PARD3B: variants seen among roughly 807,000 people sequenced by gnomAD.
The protein encoded by PARD3B is par-3 family cell polarity regulator beta.
A neutral mutation model predicts 130.2 loss-of-function variants in PARD3B; 103 were observed. The observed-to-expected ratio is 0.79, with a 90% CI of 0.67 to 0.93. The LOEUF (loss-of-function observed/expected upper bound fraction) is 0.93, where lower values mean the gene tolerates loss of function less well. Ranked by LOEUF, PARD3B falls within the 40% of genes least tolerant of loss-of-function variation. PARD3B has a pLI of 0.00. For missense variants in PARD3B, 1,609 were observed against 1,499.2 expected, an observed-to-expected ratio of 1.07 and a Z score of -1.21; for synonymous variants, 583 against 553.2, an observed-to-expected ratio of 1.05 and a Z score of -0.76.
Position 204,590,094 on chromosome 2 carries a change from A to G in PARD3B, c.120+43975A>G, listed in dbSNP as rs111311022. Among the ~76,000 whole-genome samples, 1,321 of 152,252 alleles carry G rather than the reference A, an allele frequency of 8.7e-3. 14 individuals carry two copies. The highest frequency in any genetic ancestry group is 0.031 in the African/African-American group (1,284 of 41,536). On this transcript the variant is annotated intron_variant, in intron 1 of 22. Coordinates refer to ENST00000406610, the MANE Select transcript of PARD3B (RefSeq NM_001302769.2). ...CTATAACAAATATGCCATTATTATC[A>G]CAATTCTGAAGGCTGAAAAGCTTAA...
Position 205,306,750 on chromosome 2 carries a change from G to A in PARD3B, c.2630+5049G>A, listed in dbSNP as rs138400242. ...GTAAAAATAGCAACTGTTTTCCATA[G>A]CCTTTTGCATCTGAGTTTGTGAGCA... On this transcript the variant is annotated intron_variant, in intron 18 of 22. Transcript: ENST00000406610. Among the ~76,000 whole-genome samples, 14 of 152,260 alleles carry A rather than the reference G, an allele frequency of 9.2e-5. No homozygotes were observed. The East Asian group carries it at 2.7e-3, about 29-fold the overall frequency.
At chr2:205,006,426 G>A (rs567852091) in intron 3 of PARD3B, among the ~76,000 whole-genome samples, 7 of 152,238 alleles carry the variant, frequency 4.6e-5, no homozygotes, top group African/African-American at 1.7e-4. Flanking sequence ...ATTTCCACCA[G>A]CAATGTAAAA....
Position 204,924,786 on chromosome 2 carries a change from A to G in PARD3B, c.223-40366A>G, listed in dbSNP as rs141965999. On this transcript the variant is annotated intron_variant, in intron 2 of 22. Coordinates refer to ENST00000406610, the MANE Select transcript of PARD3B (RefSeq NM_001302769.2). ...ACAAACTGAAATAAGTGAAAATGCA[A>G]TGCAAGTGATATATGTAAGTGCCGA... 6.4e-3 allele frequency among the ~76,000 whole-genome samples: 981 copies of G among 152,220 alleles called. 12 individuals carry two copies. The highest frequency in any genetic ancestry group is 0.022 in the African/African-American group (925 of 41,558).
chr2:205,387,841 G>A (rs954780983), intron 18 of PARD3B, among the ~76,000 whole-genome samples: 11 of 152,182 alleles, frequency 7.2e-5, no homozygotes, highest in Non-Finnish European at 1.3e-4. Flanking sequence ...TCATCTGAGT[G>A]ACGCTGCTGG....
intron 20 of PARD3B, among the ~76,000 whole-genome samples, chr2:205,447,886 T>C (rs887697427): frequency 2.0e-5 from 3 of 152,184 alleles, no homozygotes; most frequent in African/African-American, 7.2e-5. Flanking sequence ...CCAAACACTG[T>C]CTCCGTGTAG....
At chr2:204,976,086 T>A (rs143950334) in intron 3 of PARD3B, among the ~76,000 whole-genome samples, 1 of 152,306 alleles carries the variant, frequency 6.6e-6, no homozygotes, top group African/African-American at 2.4e-5. Flanking sequence ...AGGCAAAATT[T>A]TCATCTCTAA....
intron 2 of PARD3B, among the ~76,000 whole-genome samples, chr2:204,852,875 C>T (rs749726634): frequency 2.0e-5 from 3 of 152,120 alleles, no homozygotes; most frequent in Non-Finnish European, 4.4e-5. Context: ...GGAAAGCCCA[C>T]TACAATCTCA....
intron 22 of PARD3B, among the ~76,000 whole-genome samples, chr2:205,570,479 TC>T (rs1269241060): frequency 6.6e-6 from 1 of 152,250 alleles, no homozygotes; most frequent in African/African-American, 2.4e-5. Context: ...AAGGGTATCT[TC>T]AATATCAGAG....
chr2:205,511,473 G>A (rs934022091), intron 21 of PARD3B, among the ~76,000 whole-genome samples: 13 of 152,266 alleles, frequency 8.5e-5, no homozygotes, highest in Middle Eastern at 3.4e-3. Flanking sequence ...AACCACAGCC[G>A]TTTGTGTTGG....
chr2:205,017,113 G>A (rs1216340461), intron 3 of PARD3B, among the ~76,000 whole-genome samples: 1 of 152,082 alleles, frequency 6.6e-6, no homozygotes, highest in Admixed American at 6.6e-5. Flanking sequence ...AAACATAAAG[G>A]GAATGAGACA....
rs2040164834 is a variant in PARD3B at position 205,258,107 on chromosome 2, A to G, written c.2185+12285A>G. Among the ~76,000 whole-genome samples, 1 of 152,156 alleles carries G rather than the reference A, an allele frequency of 6.6e-6. No individual in the cohort carries two copies. The highest frequency in any genetic ancestry group is 2.4e-5 in the African/African-American group (1 of 41,418). On this transcript the variant is annotated intron_variant, in intron 16 of 22. Coordinates refer to ENST00000406610, the MANE Select transcript of PARD3B (RefSeq NM_001302769.2). This position sits in a 1 kb window ranked among gnomAD's most constrained non-coding sequence, Gnocchi z 4.9. ...CCATTTCATTGGAGAGAGAAACATA[A>G]CAGATGCAATGGTACACTTCCATGT...
chr2:205,366,148 G>C lies in PARD3B; in HGVS notation c.2631-34865G>C, dbSNP rs1322745156. ...ATTTATGTTGGCTAGAGCTCTGTGG[G>C]TTACTTTAAACCAATTTTTTTCTTT... On this transcript the variant is annotated intron_variant, in intron 18 of 22. Transcript: ENST00000406610. This position sits in a 1 kb window ranked among gnomAD's most constrained non-coding sequence, Gnocchi z 5.0. Among the ~76,000 whole-genome samples, 1 of 152,032 alleles carries C rather than the reference G, an allele frequency of 6.6e-6. No individual in the cohort carries two copies. Among genetic ancestry groups the C allele is most frequent in the Non-Finnish European group, 1.5e-5 (1 of 68,014 alleles).
intron 2 of PARD3B, among the ~76,000 whole-genome samples, chr2:204,745,613 G>A (rs546452859): frequency 6.6e-6 from 1 of 152,082 alleles, no homozygotes; most frequent in South Asian, 2.1e-4. Flanking sequence ...ATATTGGCCA[G>A]GCTGGTCTCA....
Position 205,380,756 on chromosome 2 carries a change from A to G in PARD3B, c.2631-20257A>G, listed in dbSNP as rs543080481. On this transcript the variant is annotated intron_variant, in intron 18 of 22. Coordinates refer to ENST00000406610, the MANE Select transcript of PARD3B (RefSeq NM_001302769.2). ...AGAATATACATTATATATACTATAT[A>G]TAAAGAATATATATAATATATAAAG... 1.5e-4 allele frequency among the ~76,000 whole-genome samples: 16 copies of G among 104,602 alleles called. 1 individual carries two copies. The South Asian group carries it at 4.7e-3, about 30-fold the overall frequency. 68.6% of individuals were successfully genotyped at this position (104,602 alleles called of 152,430 possible).
intron 11 of PARD3B, among the ~76,000 whole-genome samples, chr2:205,164,825 A>ACG: frequency 6.8e-6 from 1 of 147,594 alleles, no homozygotes; most frequent in South Asian, 2.2e-4. Context: ...ATATGTATAC[A>ACG]CACACACACA....
intron 22 of PARD3B, among the ~76,000 whole-genome samples, chr2:205,610,061 C>T (rs1219485114): frequency 3.9e-5 from 6 of 152,176 alleles, no homozygotes; most frequent in African/African-American, 1.4e-4. Context: ...CATTTGAATT[C>T]CCTTGTTCTT....
intron 6 of PARD3B, among the ~76,000 whole-genome samples, chr2:205,117,918 C>CACACACACACACACACACAT (rs1553617420): frequency 0.016 from 2,468 of 150,574 alleles, 26 homozygotes; most frequent in Non-Finnish European, 0.021. Flanking sequence ...TATGTGTGTA[C>CACACACACACACACACACAT]ACACACACAC....
intron 15 of PARD3B, among the ~76,000 whole-genome samples, chr2:205,224,528 G>A (rs1408733644): frequency 2.6e-4 from 31 of 121,006 alleles, no homozygotes; most frequent in Admixed American, 3.8e-4. Context: ...CTTCCCCACC[G>A]CCACTCCCCA....
At chr2:205,243,076 G>T (rs968160682) in intron 15 of PARD3B, among the ~76,000 whole-genome samples, 1 of 152,080 alleles carries the variant, frequency 6.6e-6, no homozygotes, top group Middle Eastern at 3.2e-3. Context: ...TGAGGCAGAA[G>T]AATTGGTTGA....
Sources: gnomAD v4.1 joint callset for allele counts (sites outside exome capture counted in the v4.1 genomes callset) on GRCh38, gnomAD v4.1.1 for gene constraint, Gnocchi (gnomAD v3.1) non-coding constraint, MANE v1.5 for transcripts, NCBI Gene and HGNC (gene_info 2026-07-23, HGNC 2026-07-21) for gene names.